Variants in ARHGAP12 observed in about 807,000 individuals in gnomAD.
ARHGAP12 encodes the protein rho GTPase-activating protein 12.
A neutral mutation model predicts 108.6 loss-of-function variants in ARHGAP12; 64 were observed. That is an observed-to-expected ratio of 0.59 (90% CI 0.48 to 0.73). The LOEUF (loss-of-function observed/expected upper bound fraction) is 0.73, where lower values mean the gene tolerates loss of function less well. Ranked by LOEUF, ARHGAP12 falls within the 30% of genes least tolerant of loss-of-function variation. The pLI is 0.00. For synonymous variants in ARHGAP12, 312 were observed against 337.2 expected (o/e 0.93, Z 0.82); for missense variants, 940 against 1,005.9 (o/e 0.93, Z 0.89).
intron 14 of ARHGAP12, 105 bp from the exon 15 acceptor site, chr10:31,812,928 C>T (rs774300228): frequency 8.6e-6 from 5 of 578,358 alleles, no homozygotes; most frequent in Non-Finnish European, 1.5e-5. Flanking sequence ...ATGTCAAGAT[C>T]ATAGTACAAT....
chr10:31,844,368 C>A (rs1182142151), intron 6 of ARHGAP12, among the ~76,000 whole-genome samples: 1 of 152,168 alleles, frequency 6.6e-6, no homozygotes, highest in Non-Finnish European at 1.5e-5. Context: ...TTTAATCTAA[C>A]TGAAATTAAT....
At position 31,839,335 on chromosome 10, in the gene ARHGAP12, G is replaced by A. The variant is rs753446669; in HGVS notation, c.1372-16C>T. The A allele has an allele frequency of 6.2e-7, 1 of 1,608,558 alleles. No homozygotes were observed. Among genetic ancestry groups the A allele is most frequent in the South Asian group, 1.1e-5 (1 of 90,392 alleles). The stretch of plus-strand genomic sequence containing the variant: ...GACTGCTGGCCTGAGGAAAAAAAGA[G>A]TAAAGTATAATGTCATAGTATTGTC... On this transcript the variant is annotated splice_polypyrimidine_tract_variant and intron_variant, in intron 8 of 19. Transcript: ENST00000344936.
chr10:31,919,227 A>G (rs1839689529), intron 1 of ARHGAP12, among the ~76,000 whole-genome samples: 1 of 152,240 alleles, frequency 6.6e-6, no homozygotes, highest in Non-Finnish European at 1.5e-5. Context: ...GGAGAAAGAC[A>G]GCAACAGGAA....
intron 1 of ARHGAP12, among the ~76,000 whole-genome samples, chr10:31,911,919 A>G (rs1839365392): frequency 6.6e-6 from 1 of 152,210 alleles, no homozygotes; most frequent in South Asian, 2.1e-4. Flanking sequence ...AAAGACTATT[A>G]ATACATAATA....
chr10:31,812,591 T>A (rs1181933337), intron 15 of ARHGAP12, 116 bp downstream of exon 15: 4 of 685,914 alleles, frequency 5.8e-6, no homozygotes, highest in African/African-American at 5.5e-5. Flanking sequence ...TGTACTTGAA[T>A]ACATGAATAA....
intron 10 of ARHGAP12, among the ~76,000 whole-genome samples, chr10:31,829,096 G>A (rs1305319418): frequency 6.6e-6 from 1 of 152,080 alleles, no homozygotes; most frequent in Admixed American, 6.5e-5. Context: ...AGGTTGCAGT[G>A]ACCCAAGATC....
chr10:31,905,087 G>A (rs776086803), intron 3 of ARHGAP12, among the ~76,000 whole-genome samples: 7 of 151,872 alleles, frequency 4.6e-5, no homozygotes, highest in East Asian at 1.9e-4. Context: ...GAAGGGGCTC[G>A]AGACTGGTTA....
intron 3 of ARHGAP12, among the ~76,000 whole-genome samples, chr10:31,867,431 T>C (rs889718381): frequency 2.0e-5 from 3 of 152,178 alleles, no homozygotes; most frequent in African/African-American, 4.8e-5. Flanking sequence ...AGCTTGAAAA[T>C]ATAGGTTCTT....
At chr10:31,835,498 G>A (rs1001265701) in intron 9 of ARHGAP12, among the ~76,000 whole-genome samples, 4 of 152,034 alleles carry the variant, frequency 2.6e-5, no homozygotes, top group African/African-American at 7.2e-5. Context: ...ATCCTAATAG[G>A]CAAGAAAACA....
chr10:31,809,479 A>G lies in ARHGAP12; in HGVS notation c.2051-172T>C, dbSNP rs1834937258. On this transcript the variant is annotated intron_variant, in intron 16 of 19. Coordinates refer to ENST00000344936, the MANE Select transcript of ARHGAP12 (RefSeq NM_018287.7). ...GGTAGATGCTTGGCAGGGGAGAGAG[A>G]TGGAGATTCGCTCTGAATTCTGTTT... 4 of 602,762 alleles carry G rather than the reference A, an allele frequency of 6.6e-6. No homozygotes were observed. In the East Asian group the frequency reaches 1.2e-4, roughly 17 times the overall value. 37.3% of individuals were successfully genotyped at this position (602,762 alleles called of 1,614,324 possible). A position where few individuals can be genotyped will look rare whatever the true frequency, so the allele number is the denominator to read the frequency against.
chr10:31,866,379 T>C (rs1192432955), intron 3 of ARHGAP12, among the ~76,000 whole-genome samples: 2 of 152,168 alleles, frequency 1.3e-5, no homozygotes, highest in East Asian at 1.9e-4. Context: ...AAACAAGTAT[T>C]GTGAGGCATT....
intron 1 of ARHGAP12, among the ~76,000 whole-genome samples, chr10:31,914,016 G>A (rs1180595273): frequency 6.6e-6 from 1 of 152,104 alleles, no homozygotes; most frequent in Non-Finnish European, 1.5e-5. Context: ...GGAGATGGTA[G>A]TTTCTTCATC....
chr10:31,861,445 G>A lies in ARHGAP12; in HGVS notation c.898C>T (p.Arg300Trp), dbSNP rs768741261. The A allele has an allele frequency of 6.2e-6, 10 of 1,614,098 alleles. No homozygotes were observed. Among genetic ancestry groups the A allele is most frequent in the Admixed American group, 5.0e-5 (3 of 60,022 alleles). Residue 300 changes from arginine (R) to tryptophan (W), a missense_variant, in exon 4 of 20, where the codon CGG becomes TGG. Physicochemically the swap from Arg to Trp is moderately radical, Grantham distance 101 (BLOSUM62 -3). Coordinates refer to ENST00000344936, the MANE Select transcript of ARHGAP12 (RefSeq NM_018287.7). ...ERTWKPPRWT[R>W]DASISKGDFQ... Reference sequence around the variant, plus strand: ...TCTCCTTTGCTGATGCTTGCATCCCGAGTCCAACGAGGAGGTTTCCAAGTT... The same window carrying A: ...TCTCCTTTGCTGATGCTTGCATCCCAAGTCCAACGAGGAGGTTTCCAAGTT...
intron 3 of ARHGAP12, among the ~76,000 whole-genome samples, chr10:31,894,703 C>CCA (rs1208479233): frequency 6.6e-6 from 1 of 152,148 alleles, no homozygotes. Flanking sequence ...ATTGCCATCC[C>CCA]CAACAAGCTA....
chr10:31,879,621 G>A (rs774562564), intron 3 of ARHGAP12, among the ~76,000 whole-genome samples: 10 of 151,974 alleles, frequency 6.6e-5, no homozygotes, highest in African/African-American at 1.9e-4. Context: ...ACCTCAGATC[G>A]TATCCTATTC....
intron 3 of ARHGAP12, among the ~76,000 whole-genome samples, chr10:31,885,699 A>C (rs1838163054): frequency 6.6e-6 from 1 of 151,960 alleles, no homozygotes; most frequent in South Asian, 2.1e-4. Context: ...CATGCCTATA[A>C]GCCCAGCTAC....
At chr10:31,808,495 T>C in intron 19 of ARHGAP12, 154 bp downstream of exon 19, 1 of 623,520 alleles carries the variant, frequency 1.6e-6, no homozygotes, top group Non-Finnish European at 2.9e-6. Flanking sequence ...CATGACAGAC[T>C]GATACTAAAA....
In ARHGAP12 at chr10:31,839,297, C is replaced by T. The variant is rs770109050; in HGVS notation, c.1386+8G>A. 3 of 1,610,014 alleles carry T rather than the reference C, an allele frequency of 1.9e-6. No homozygotes were observed. Among genetic ancestry groups the T allele is most frequent in the East Asian group, 4.5e-5 (2 of 44,726 alleles). On this transcript the variant is annotated splice_region_variant and intron_variant, in intron 9 of 19. Transcript: ENST00000344936. ...ATGCCTATTAAGAAGGAGAGGATTG[C>T]TTCTTACCTTTGGACTGCTGGCCTG... is the stretch of plus-strand genomic sequence containing the variant.
intron 3 of ARHGAP12, among the ~76,000 whole-genome samples, chr10:31,890,052 C>T (rs913046216): frequency 6.6e-6 from 1 of 152,030 alleles, no homozygotes; most frequent in Non-Finnish European, 1.5e-5. Context: ...GTACCAAGTA[C>T]CTCTTTTTGT....
Sources: gnomAD v4.1 joint callset for allele counts (sites outside exome capture counted in the v4.1 genomes callset) on GRCh38, gnomAD v4.1.1 for gene constraint, MANE v1.5 for transcripts, NCBI Gene and HGNC (gene_info 2026-07-23, HGNC 2026-07-21) for gene names.